FRMD4A: variants seen among roughly 807,000 people sequenced by gnomAD.
The protein encoded by FRMD4A is FERM domain containing 4A, also known as FERM domain-containing protein 4A.
Under a neutral mutation model 129.1 loss-of-function variants are expected in FRMD4A, and 29 were observed. The ratio of observed to expected loss-of-function variants is 0.22; its 90% CI spans 0.17 to 0.31. The LOEUF is 0.31. FRMD4A is among the 10% of genes least tolerant of loss of function. The probability of loss-of-function intolerance (pLI) is 1.00; values close to 1 mark genes in which losing one functional copy is unlikely to be tolerated. For missense variants in FRMD4A, 1,272 were observed against 1,375.8 expected (o/e 0.92, Z 1.19); for synonymous variants, 634 against 571.6 (o/e 1.11, Z -1.56).
intron 2 of FRMD4A, among the ~76,000 whole-genome samples, chr10:13,886,105 G>A (rs1410589332): frequency 6.6e-6 from 1 of 152,146 alleles, no homozygotes; most frequent in African/African-American, 2.4e-5. Context: ...TTCTTCCCAG[G>A]CATGTGGCGA....
intron 2 of FRMD4A, among the ~76,000 whole-genome samples, chr10:14,152,371 G>A (rs760270153): frequency 2.2e-4 from 33 of 152,026 alleles, no homozygotes; most frequent in Middle Eastern, 3.4e-3. Context: ...AACGTAATCC[G>A]CCCACCTCAG....
At chr10:13,715,905 CAAAAAAA>C (rs61600242) in intron 12 of FRMD4A, among the ~76,000 whole-genome samples, 1 of 125,460 alleles carries the variant, frequency 8.0e-6, no homozygotes, top group African/African-American at 3.0e-5. Flanking sequence ...ACTCCCCCCT[CAAAAAAA>C]AAAAAAAAAA....
At chr10:13,801,991 C>A (rs7082464) in intron 4 of FRMD4A, among the ~76,000 whole-genome samples, 1 of 129,900 alleles carries the variant, frequency 7.7e-6, no homozygotes, top group Non-Finnish European at 1.6e-5. Flanking sequence ...ATTGCCTTTG[C>A]CAATAATAAT....
intron 2 of FRMD4A, among the ~76,000 whole-genome samples, chr10:13,944,058 G>C (rs2095313975): frequency 6.6e-6 from 1 of 152,232 alleles, no homozygotes; most frequent in Non-Finnish European, 1.5e-5. Flanking sequence ...GTCCAGGTCT[G>C]TCTTTGGGCA....
chr10:14,207,543 G>A (rs1842818005), intron 2 of FRMD4A, among the ~76,000 whole-genome samples: 1 of 152,052 alleles, frequency 6.6e-6, no homozygotes, highest in South Asian at 2.1e-4. Flanking sequence ...CAGTCTTTTT[G>A]TCTGTAAAAT....
At chr10:13,822,066 TACAC>T (rs1051197700) in intron 3 of FRMD4A, among the ~76,000 whole-genome samples, 4 of 152,086 alleles carry the variant, frequency 2.6e-5, no homozygotes, top group African/African-American at 4.8e-5. Flanking sequence ...TATATATACA[TACAC>T]ACACACATAT....
intron 2 of FRMD4A, among the ~76,000 whole-genome samples, chr10:13,979,321 T>A (rs2095552719): frequency 6.6e-6 from 1 of 151,944 alleles, no homozygotes; most frequent in Non-Finnish European, 1.5e-5. Context: ...GAGAAAGGGG[T>A]CCCCAGAGAG....
chr10:13,722,448 G>A (rs1286356495), intron 12 of FRMD4A, among the ~76,000 whole-genome samples: 1 of 145,238 alleles, frequency 6.9e-6, no homozygotes, highest in Non-Finnish European at 1.5e-5. Context: ...GTCTCTCTAT[G>A]TTGTCCAGGA....
At position 14,028,135 on chromosome 10, in the gene FRMD4A, T is replaced by A. The variant is rs140139238; in HGVS notation, c.46-169223A>T. Among the ~76,000 whole-genome samples the A allele has an allele frequency of 1.2e-3, 176 of 152,330 alleles. 2 individuals carry two copies. The highest frequency in any genetic ancestry group is 4.1e-3 in the African/African-American group (172 of 41,558). On this transcript the variant is annotated intron_variant, in intron 2 of 24. Transcript: ENST00000357447. ...CTATATTCTAACTACCTGTTATATA[T>A]TTTTTTGATAATTATGGGGACATTT...
At chr10:13,903,220 C>A (rs1464502606) in intron 2 of FRMD4A, among the ~76,000 whole-genome samples, 1 of 152,134 alleles carries the variant, frequency 6.6e-6, no homozygotes, top group Non-Finnish European at 1.5e-5. Flanking sequence ...AGCAACTCCT[C>A]CCACCTGCCC....
chr10:13,838,121 C>T (rs141576792), intron 3 of FRMD4A, among the ~76,000 whole-genome samples: 44 of 152,296 alleles, frequency 2.9e-4, no homozygotes, highest in African/African-American at 1.0e-3. Flanking sequence ...TAGGATCTTG[C>T]TCTGTTGCCC....
At chr10:14,010,843 G>C (rs2095679754) in intron 2 of FRMD4A, among the ~76,000 whole-genome samples, 1 of 151,768 alleles carries the variant, frequency 6.6e-6, no homozygotes, top group Non-Finnish European at 1.5e-5. Context: ...ATACAAATAT[G>C]TTTCCCCGGA....
intron 2 of FRMD4A, among the ~76,000 whole-genome samples, chr10:14,323,305 T>C (rs1324053860): frequency 6.6e-6 from 1 of 152,234 alleles, no homozygotes; most frequent in Non-Finnish European, 1.5e-5. Flanking sequence ...TGCTATTTGC[T>C]TTGGGCCAAA....
intron 2 of FRMD4A, among the ~76,000 whole-genome samples, chr10:14,023,187 C>A (rs938414062): frequency 9.2e-5 from 14 of 152,190 alleles, no homozygotes; most frequent in Non-Finnish European, 1.9e-4. Context: ...TGGACGCATT[C>A]CTCCTCCAGG....
chr10:14,231,364 ACGGAGT>A (rs1423060586), intron 2 of FRMD4A, among the ~76,000 whole-genome samples: 1 of 144,100 alleles, frequency 6.9e-6, no homozygotes, highest in Non-Finnish European at 1.5e-5. Context: ...TTTTTTTGAG[ACGGAGT>A]CTTGCTCTGT....
rs188406338 is a variant in FRMD4A, at chr10:13,807,855, G to A, written c.206+2959C>T. 3.6e-3 allele frequency among the ~76,000 whole-genome samples: 540 copies of A among 149,256 alleles called. 4 individuals carry two copies. Among genetic ancestry groups the A allele is most frequent in the Middle Eastern group, 0.031 (9 of 290 alleles). ...ACTCTGTTGCTCAGGGTGGAGTGCA[G>A]TGGCACACTCTCGGCTCACTGCAAA... On this transcript the variant is annotated intron_variant, in intron 4 of 24. Transcript: ENST00000357447.
intron 2 of FRMD4A, among the ~76,000 whole-genome samples, chr10:14,221,098 G>A (rs144128012): frequency 8.7e-4 from 133 of 152,266 alleles, no homozygotes; most frequent in African/African-American, 1.4e-3. Flanking sequence ...AACATGCAGC[G>A]AATGGTGGCA....
chr10:13,695,501 T>G (rs887734535), intron 14 of FRMD4A, among the ~76,000 whole-genome samples: 1 of 152,176 alleles, frequency 6.6e-6, no homozygotes, highest in Non-Finnish European at 1.5e-5. Context: ...GACAATGTGT[T>G]TGTTTGCATT....
intron 3 of FRMD4A, among the ~76,000 whole-genome samples, chr10:13,848,208 A>G (rs1327843135): frequency 6.6e-6 from 1 of 152,078 alleles, no homozygotes; most frequent in East Asian, 1.9e-4. Flanking sequence ...CATAGAGAGG[A>G]CATGGAAAGG....
Sources: gnomAD v4.1 joint callset for allele counts (sites outside exome capture counted in the v4.1 genomes callset) on GRCh38, gnomAD v4.1.1 for gene constraint, MANE v1.5 for transcripts, NCBI Gene and HGNC (gene_info 2026-07-23, HGNC 2026-07-21) for gene names.